Variants in PALLD observed in about 807,000 individuals in gnomAD.
The protein encoded by PALLD is palladin, cytoskeletal associated protein.
Under a neutral mutation model 123.5 loss-of-function variants are expected in PALLD, and 61 were observed. The observed-to-expected ratio is 0.49, with a 90% CI of 0.40 to 0.61. PALLD has a LOEUF of 0.61. Ranked by LOEUF, PALLD falls within the 20% of genes least tolerant of loss-of-function variation. The pLI is 0.00. For missense variants in PALLD, 1,273 were observed against 1,377.0 expected (o/e 0.92, Z 1.20); for synonymous variants, 465 against 496.4 (o/e 0.94, Z 0.84).
intron 2 of PALLD, among the ~76,000 whole-genome samples, chr4:168,573,003 A>C (rs1011317214): frequency 1.3e-5 from 2 of 151,102 alleles, no homozygotes; most frequent in Admixed American, 6.6e-5. Flanking sequence ...ATCTACAAGT[A>C]AGGCCCAGCC....
chr4:168,769,821 TA>T (rs1734156434), intron 10 of PALLD, among the ~76,000 whole-genome samples: 1 of 152,198 alleles, frequency 6.6e-6, no homozygotes, highest in Non-Finnish European at 1.5e-5. Flanking sequence ...GAGTGGGTGA[TA>T]TTTTTCATTT....
intron 10 of PALLD, among the ~76,000 whole-genome samples, chr4:168,749,599 A>C (rs1379581639): frequency 6.6e-6 from 1 of 152,116 alleles, no homozygotes; most frequent in Non-Finnish European, 1.5e-5. Context: ...AGATACTCAG[A>C]AGGCTAAGGC....
intron 8 of PALLD, among the ~76,000 whole-genome samples, chr4:168,704,577 T>C (rs1784039928): frequency 6.9e-6 from 1 of 144,318 alleles, no homozygotes; most frequent in African/African-American, 2.6e-5. Context: ...GGCAGGAGAA[T>C]GGCATGAACC....
In PALLD at chr4:168,497,055, G is replaced by A. The variant is rs1220816876; in HGVS notation, c.-222G>A. The A allele has an allele frequency of 6.6e-6, 1 of 152,108 alleles. No homozygotes were observed. Among genetic ancestry groups the A allele is most frequent in the Non-Finnish European group, 1.5e-5 (1 of 68,040 alleles). The allele number at this position is 152,108 out of a possible 1,614,324, so 9.4% of individuals were successfully genotyped here. ...GGACAGATGAGAGTCTGAGGCCACA[G>A]TTGCCTCAAAGTGACCACGGACCAG... On this transcript the variant is annotated 5_prime_UTR_variant, in exon 1 of 22. Transcript: ENST00000505667.
intron 2 of PALLD, among the ~76,000 whole-genome samples, chr4:168,615,682 C>T (rs916786133): frequency 2.6e-5 from 4 of 152,120 alleles, no homozygotes; most frequent in East Asian, 1.9e-4. Flanking sequence ...ATCTGAAAGG[C>T]GATGTTGCTG....
chr4:168,700,578 A>T (rs764739584), intron 8 of PALLD: 3 of 152,214 alleles, frequency 2.0e-5, no homozygotes, highest in Non-Finnish European at 4.4e-5. Flanking sequence ...AATTTCATGC[A>T]TGCATTTATT....
At chr4:168,864,039 A>G (rs747422139) in intron 10 of PALLD, 1 of 152,236 alleles carries the variant, frequency 6.6e-6, no homozygotes, top group African/African-American at 2.4e-5. Context: ...AATTAGGACT[A>G]TAGTCCTTTA....
chr4:168,862,981 G>A (rs1444544335), intron 10 of PALLD, among the ~76,000 whole-genome samples: 1 of 152,156 alleles, frequency 6.6e-6, no homozygotes, highest in Non-Finnish European at 1.5e-5. Context: ...TTGAGAACAC[G>A]TGAGGCCACC....
At chr4:168,840,761 T>G (rs577515354) in intron 10 of PALLD, among the ~76,000 whole-genome samples, 2 of 152,290 alleles carry the variant, frequency 1.3e-5, no homozygotes, top group South Asian at 4.1e-4. Flanking sequence ...AGGGTCAAGT[T>G]CCATTCGTTT....
intron 10 of PALLD, among the ~76,000 whole-genome samples, chr4:168,751,124 TGCCTCA>T (rs1288239315): frequency 1.3e-5 from 2 of 151,948 alleles, no homozygotes; most frequent in Non-Finnish European, 2.9e-5. Context: ...GCGATTCTCC[TGCCTCA>T]GCCTCCCGAG....
intron 2 of PALLD, among the ~76,000 whole-genome samples, chr4:168,583,058 G>A (rs1580423438): frequency 6.6e-6 from 1 of 152,108 alleles, no homozygotes; most frequent in African/African-American, 2.4e-5. Context: ...TTCCCTCCCT[G>A]ATAGGACTTT....
At chr4:168,720,057 A>G (rs1785838909) in intron 10 of PALLD, among the ~76,000 whole-genome samples, 1 of 152,206 alleles carries the variant, frequency 6.6e-6, no homozygotes, top group African/African-American at 2.4e-5. Context: ...CTGTTAGTTG[A>G]ACATCTGCAA....
At chr4:168,815,206 T>C (rs1486178446) in intron 10 of PALLD, among the ~76,000 whole-genome samples, 1 of 152,234 alleles carries the variant, frequency 6.6e-6, no homozygotes, top group Non-Finnish European at 1.5e-5. Context: ...CTTGTGACTG[T>C]TTCAATATTG....
At chr4:168,640,689 A>G (rs984954583) in intron 2 of PALLD, among the ~76,000 whole-genome samples, 1 of 152,266 alleles carries the variant, frequency 6.6e-6, no homozygotes, top group African/African-American at 2.4e-5. Flanking sequence ...ATTTGCACTT[A>G]TAAATCACTT....
chr4:168,820,549 G>T (rs1441428246), intron 10 of PALLD, among the ~76,000 whole-genome samples: 1 of 152,108 alleles, frequency 6.6e-6, no homozygotes, highest in African/African-American at 2.4e-5. Flanking sequence ...GGATACATAT[G>T]CATCACAAGT....
chr4:168,597,996 C>CCTG (rs2149711857), intron 2 of PALLD, among the ~76,000 whole-genome samples: 1 of 152,176 alleles, frequency 6.6e-6, no homozygotes, highest in Admixed American at 6.5e-5. Flanking sequence ...TCTTTATAAA[C>CCTG]ATGATTATCA....
At chr4:168,887,358 TG>T (rs1753517992) in intron 10 of PALLD, among the ~76,000 whole-genome samples, 2 of 152,182 alleles carry the variant, frequency 1.3e-5, no homozygotes, top group Admixed American at 1.3e-4. Context: ...GGTATTTTCT[TG>T]TCCAAGGGAA....
At chr4:168,649,042 CTTCATGGATAA>C (rs1453489425) in intron 2 of PALLD, among the ~76,000 whole-genome samples, 2 of 152,234 alleles carry the variant, frequency 1.3e-5, no homozygotes, top group Non-Finnish European at 1.5e-5. Flanking sequence ...TCAAGAGTCA[CTTCATGGATAA>C]AAAGCATCCT....
chr4:168,768,521 A>G (rs1733983003), intron 10 of PALLD, among the ~76,000 whole-genome samples: 2 of 152,260 alleles, frequency 1.3e-5, no homozygotes, highest in South Asian at 4.1e-4. Flanking sequence ...TCTTACATTT[A>G]TATACTACAT....
Sources: allele counts gnomAD v4.1 joint callset (sites outside exome capture counted in the v4.1 genomes callset), GRCh38; gene constraint gnomAD v4.1.1; transcripts MANE v1.5; gene names NCBI Gene and HGNC (gene_info 2026-07-23, HGNC 2026-07-21).